Variants in BMAL1 observed in about 807,000 individuals in gnomAD.
BMAL1 encodes basic helix-loop-helix ARNT like 1, also known as basic helix-loop-helix ARNT-like protein 1.
At chr11:13,342,450 A>C in the BMAL1 span, among the ~76,000 whole-genome samples, 3 of 152,152 alleles carry the variant, frequency 2.0e-5, no homozygotes, top group Admixed American at 1.3e-4. Flanking sequence ...TGGTTCCCCT[A>C]GTGTGCCCCA....
chr11:13,278,914 T>G, the BMAL1 span, among the ~76,000 whole-genome samples: 1 of 152,150 alleles, frequency 6.6e-6, no homozygotes, highest in Non-Finnish European at 1.5e-5. Flanking sequence ...GTCGACCTTG[T>G]GGGGCGCATG....
chr11:13,365,317 A>G, the BMAL1 span: 2 of 486,866 alleles, frequency 4.1e-6, no homozygotes, highest in Non-Finnish European at 3.7e-6. Context: ...ACACACACAC[A>G]CACAATCTTA....
chr11:13,375,908 G>A, the BMAL1 span: 1 of 772,098 alleles, frequency 1.3e-6, no homozygotes, highest in Admixed American at 3.9e-5. Flanking sequence ...AGGACTGGCA[G>A]AAGCTAGAAA....
chr11:13,350,594 A>G, the BMAL1 span, among the ~76,000 whole-genome samples: 1 of 152,226 alleles, frequency 6.6e-6, no homozygotes, highest in African/African-American at 2.4e-5. Context: ...GAAATAGGTG[A>G]TAAATCAATA....
At chr11:13,305,372 G>T in the BMAL1 span, among the ~76,000 whole-genome samples, 2 of 152,098 alleles carry the variant, frequency 1.3e-5, no homozygotes, top group African/African-American at 4.8e-5. Flanking sequence ...TTGCGAATGG[G>T]GTTGTATTTT....
the BMAL1 span, among the ~76,000 whole-genome samples, chr11:13,300,343 G>T: frequency 6.6e-6 from 1 of 152,274 alleles, no homozygotes; most frequent in African/African-American, 2.4e-5. Flanking sequence ...AATGGCAATG[G>T]CCCAAGATTT....
At chr11:13,294,816 C>G in the BMAL1 span, among the ~76,000 whole-genome samples, 77 of 152,280 alleles carry the variant, frequency 5.1e-4, no homozygotes, top group African/African-American at 1.6e-3. Context: ...ATTGCATGAC[C>G]TTGTCCTTGG....
chr11:13,372,844 T>TA, the BMAL1 span, among the ~76,000 whole-genome samples: 2 of 152,072 alleles, frequency 1.3e-5, no homozygotes, highest in Admixed American at 6.5e-5. Context: ...GAGTCTCTGT[T>TA]AAAAAATGAG....
the BMAL1 span, among the ~76,000 whole-genome samples, chr11:13,278,521 G>C: frequency 6.6e-6 from 1 of 152,292 alleles, no homozygotes; most frequent in Middle Eastern, 3.4e-3. Flanking sequence ...CGTCTCCGTC[G>C]GGCTTGGGGA....
At chr11:13,337,095 A>G in the BMAL1 span, among the ~76,000 whole-genome samples, 1 of 152,244 alleles carries the variant, frequency 6.6e-6, no homozygotes, top group Non-Finnish European at 1.5e-5. Flanking sequence ...TCAGCCCACA[A>G]AGATAGCTAC....
the BMAL1 span, among the ~76,000 whole-genome samples, chr11:13,294,150 T>G: frequency 1.3e-5 from 2 of 152,228 alleles, no homozygotes; most frequent in African/African-American, 2.4e-5. Context: ...AGGGTTTGTA[T>G]TGTTCATTTT....
At chr11:13,366,751 C>T in the BMAL1 span, 10 of 1,613,880 alleles carry the variant, frequency 6.2e-6, no homozygotes, top group African/African-American at 2.7e-5. Flanking sequence ...CCTCTGACAC[C>T]GCACCCCGGG....
chr11:13,383,467 G>A, the BMAL1 span, among the ~76,000 whole-genome samples: 162 of 152,282 alleles, frequency 1.1e-3, no homozygotes, highest in African/African-American at 3.6e-3. Flanking sequence ...AATCAGACAA[G>A]TGGCACCAAA....
chr11:13,356,911 G>C, the BMAL1 span: 2 of 1,585,554 alleles, frequency 1.3e-6, no homozygotes, highest in African/African-American at 1.4e-5. Context: ...GCCTGTGGGC[G>C]CTCACTGTGT....
chr11:13,370,701 G>A, the BMAL1 span, among the ~76,000 whole-genome samples: 1 of 152,180 alleles, frequency 6.6e-6, no homozygotes, highest in Non-Finnish European at 1.5e-5. Context: ...CTCATAAAGT[G>A]TAGACCCACA....
chr11:13,366,453 T>C, the BMAL1 span, among the ~76,000 whole-genome samples: 1 of 152,140 alleles, frequency 6.6e-6, no homozygotes, highest in Admixed American at 6.5e-5. Flanking sequence ...AATTGAGGGT[T>C]TTCCCGTCAT....
the BMAL1 span, among the ~76,000 whole-genome samples, chr11:13,291,586 G>A: frequency 3.9e-5 from 6 of 152,296 alleles, no homozygotes; most frequent in Non-Finnish European, 5.9e-5. Context: ...ACTGGTCAGC[G>A]GCAGAGGCAG....
At chr11:13,328,017 C>G in the BMAL1 span, among the ~76,000 whole-genome samples, 1 of 152,180 alleles carries the variant, frequency 6.6e-6, no homozygotes, top group East Asian at 1.9e-4. Flanking sequence ...AACACTATAC[C>G]TGTTTCATTG....
the BMAL1 span, among the ~76,000 whole-genome samples, chr11:13,332,425 A>T: frequency 1.3e-5 from 2 of 152,344 alleles, no homozygotes; most frequent in Non-Finnish European, 1.5e-5. Context: ...AGTTGAGAAC[A>T]TATAAATTTG....
Sources: gnomAD v4.1 joint callset for allele counts (sites outside exome capture counted in the v4.1 genomes callset) on GRCh38, gnomAD v4.1.1 for gene constraint, MANE v1.5 for transcripts, NCBI Gene and HGNC (gene_info 2026-07-23, HGNC 2026-07-21) for gene names.